The following CABYR variants were observed in gnomAD, a reference collection of about 807,000 sequenced individuals.
The protein encoded by CABYR is calcium-binding tyrosine phosphorylation-regulated protein.
A neutral mutation model predicts 36.1 loss-of-function variants in CABYR; 31 were observed. The ratio of observed to expected loss-of-function variants is 0.86; its 90% CI spans 0.64 to 1.16. The LOEUF (loss-of-function observed/expected upper bound fraction) is 1.16. CABYR is among the 50% of genes most tolerant of loss of function. CABYR has a pLI of 0.00. For synonymous variants in CABYR, 146 were observed against 160.7 expected (o/e 0.91, Z 0.69); for missense variants, 429 against 455.8 (o/e 0.94, Z 0.53).
At chr18:24,160,278 A>C (rs2085920915) in intron 5 of CABYR, 1 of 539,674 alleles carries the variant, frequency 1.9e-6, no homozygotes, top group Admixed American at 3.6e-5. Context: ...ACAATGACTC[A>C]TGCCAAGGAT....
chr18:24,140,922 A>G (rs1210631109), intron 1 of CABYR, among the ~76,000 whole-genome samples: 1 of 152,142 alleles, frequency 6.6e-6, no homozygotes, highest in Non-Finnish European at 1.5e-5. Flanking sequence ...TGTATGTACC[A>G]CATTTTCTTT....
At chr18:24,150,616 T>G in intron 3 of CABYR, 2 of 967,510 alleles carry the variant, frequency 2.1e-6, no homozygotes, top group Non-Finnish European at 2.5e-6. Context: ...CTAAACCACC[T>G]ACTTTATAGT....
Position 24,159,787 on chromosome 18 carries a change from A to C in CABYR, c.857A>C (p.Asp286Ala). Residue 286 changes from aspartate to alanine, a missense_variant, in exon 5 of 6, where the codon GAT becomes GCT. Transcript: ENST00000399496. ...LPGHAVVSQSDVLRYVAMQVP... is the reference protein window; with the variant it reads ...LPGHAVVSQSAVLRYVAMQVP... ...GGACATGCTGTCGTTTCACAGTCAG[A>C]TGTCTTGAGATATGTTGCAATGCAA... The C allele has an allele frequency of 6.2e-7, 1 of 1,614,132 alleles. No homozygotes were observed. The highest frequency in any genetic ancestry group is 8.5e-7 in the Non-Finnish European group (1 of 1,180,028).
At chr18:24,159,203 C>T (rs192502293) in intron 4 of CABYR, among the ~76,000 whole-genome samples, 9 of 152,310 alleles carry the variant, frequency 5.9e-5, no homozygotes, top group Non-Finnish European at 1.2e-4. Context: ...GTTGAAGTAG[C>T]TGGAAACTGC....
chr18:24,151,024 C>T (rs1025473592), intron 3 of CABYR, among the ~76,000 whole-genome samples: 1 of 152,152 alleles, frequency 6.6e-6, no homozygotes, highest in Non-Finnish European at 1.5e-5. Context: ...TACAGCCTCT[C>T]GTATCTCTTG....
rs1471810419 is a variant in CABYR, at chr18:24,156,975, G to A, written c.541+933G>A. ...AATTGAACCAGAAGGGGAATCAACA[G>A]CTGAATAAGGTTTGATGAAGCCAGG... On this transcript the variant is annotated intron_variant, in intron 4 of 5. Coordinates refer to ENST00000399496, the MANE Select transcript of CABYR (RefSeq NM_153769.3). The A allele has an allele frequency of 1.9e-6, 3 of 1,606,492 alleles. No individual in the cohort carries two copies. The highest frequency in any genetic ancestry group is 1.7e-4 in the Middle Eastern group (1 of 5,760).
At position 24,155,856 on chromosome 18, in the gene CABYR, A is replaced by G; in HGVS notation, c.355A>G (p.Thr119Ala). 1 of 1,614,074 alleles carries G rather than the reference A, an allele frequency of 6.2e-7. No individual in the cohort carries two copies. The highest frequency in any genetic ancestry group is 8.5e-7 in the Non-Finnish European group (1 of 1,180,024). The change falls in exon 4 of 6, where the codon ACC becomes GCC. Residue 119 changes from threonine to alanine, a missense_variant. Coordinates refer to ENST00000399496, the MANE Select transcript of CABYR (RefSeq NM_153769.3). ...AACCAGAACAGAATATAGTGACAAA[A>G]CCACCCAGTTTCCATCAGTTTATGC... ...NVTRTEYSDK[T>A]TQFPSVYAVP...
chr18:24,143,435 A>C, intron 3 of CABYR, 22 bp downstream of exon 3: 2 of 1,345,614 alleles, frequency 1.5e-6, no homozygotes, highest in Non-Finnish European at 2.1e-6. Flanking sequence ...AAGTAGTAAT[A>C]GTTTTAATAA....
chr18:24,139,130 C>G lies in CABYR; in HGVS notation c.-25+12C>G, dbSNP rs539731695. 1 of 152,120 alleles carries G rather than the reference C, an allele frequency of 6.6e-6. No homozygotes were observed. Among genetic ancestry groups the G allele is most frequent in the South Asian group, 2.1e-4 (1 of 4,826 alleles). The allele number at this position is 152,120 out of a possible 1,614,324, so 9.4% of individuals were successfully genotyped here. A position where few individuals can be genotyped will look rare whatever the true frequency, so the allele number is the denominator to read the frequency against. On this transcript the variant is annotated intron_variant, in intron 1 of 5. Transcript: ENST00000399496. ...CGGCCGGAAAGCAGGTGGGGAGAAT[C>G]TGGAGAAAAGGCGCACCCTGCGGCC...
rs192440872 is a variant in CABYR at position 24,144,023 on chromosome 18, G to C, written c.199+610G>C. 6.6e-3 allele frequency among the ~76,000 whole-genome samples: 1,005 copies of C among 151,902 alleles called. 8 individuals carry two copies. The highest frequency in any genetic ancestry group is 0.024 in the African/African-American group (980 of 41,414). On this transcript the variant is annotated intron_variant, in intron 3 of 5. Coordinates refer to ENST00000399496, the MANE Select transcript of CABYR (RefSeq NM_153769.3). The stretch of plus-strand genomic sequence containing the variant: ...AACGATTCTCCTGCCTCAGCCTCCC[G>C]AGTAGTTGGGACTCCAGGCGCCCAC...
intron 4 of CABYR, chr18:24,156,910 G>GC: frequency 6.2e-7 from 1 of 1,614,062 alleles, no homozygotes; most frequent in South Asian, 1.1e-5. Flanking sequence ...TCATCTAGTG[G>GC]CCCCTTCCCT....
intron 1 of CABYR, 37 bp from the exon 2 acceptor site, chr18:24,143,053 TA>T: frequency 7.4e-7 from 1 of 1,343,096 alleles, no homozygotes; most frequent in Non-Finnish European, 1.0e-6. Flanking sequence ...CCTATTTTAG[TA>T]AAACTAATTA....
In CABYR at chr18:24,143,097, TAC is replaced by T; in HGVS notation, c.-16_-15del. ...GACTTTTTCTTCATTCTAGTTGAGT[TAC>T]AGACATCCTGCCAAAATGATTTCTT... On this transcript the variant is annotated 5_prime_UTR_variant, in exon 2 of 6. Coordinates refer to ENST00000399496, the MANE Select transcript of CABYR (RefSeq NM_153769.3). 1.3e-6 allele frequency: 2 copies of T among 1,581,550 alleles called. No homozygotes were observed. The highest frequency in any genetic ancestry group is 1.7e-6 in the Non-Finnish European group (2 of 1,167,276).
rs769531399 is a variant in CABYR, at chr18:24,155,939, C to A, written c.438C>A (p.Thr146=). 9 of 1,614,048 alleles carry A rather than the reference C, an allele frequency of 5.6e-6. No homozygotes were observed. The African/African-American group carries it at 1.2e-4, about 22-fold the overall frequency. ...GTGGTCTTTCTTCCAAACCAGCCAC[C>A]CCTAAGACTACTACCCCACCCTCAT... The part of the protein sequence containing the change: ...AVGGLSSKPA[T]PKTTTPPSSP... The change falls in exon 4 of 6, where the codon ACC becomes ACA. Residue 146 remains threonine, a synonymous_variant. Coordinates refer to ENST00000399496, the MANE Select transcript of CABYR (RefSeq NM_153769.3).
chr18:24,155,601 C>G (rs912793893), intron 3 of CABYR, 100 bp from the exon 4 acceptor site: 3 of 877,838 alleles, frequency 3.4e-6, no homozygotes, highest in Non-Finnish European at 5.2e-6. Context: ...GGATTACAGG[C>G]ATGAGCCACT....
intron 3 of CABYR, among the ~76,000 whole-genome samples, chr18:24,149,706 G>C (rs2085565476): frequency 6.6e-6 from 1 of 152,262 alleles, no homozygotes; most frequent in African/African-American, 2.4e-5. Flanking sequence ...CCCGCAGGAA[G>C]GCAGCTAAGG....
chr18:24,155,056 T>A (rs780133670), intron 3 of CABYR, among the ~76,000 whole-genome samples: 15 of 152,254 alleles, frequency 9.9e-5, no homozygotes, highest in Non-Finnish European at 2.1e-4. Flanking sequence ...AAACTTTATA[T>A]ACCAATTTTC....
At chr18:24,157,748 C>T (rs1205760753) in intron 4 of CABYR, among the ~76,000 whole-genome samples, 2 of 152,170 alleles carry the variant, frequency 1.3e-5, no homozygotes, top group Non-Finnish European at 2.9e-5. Context: ...ACCATGTTTT[C>T]CTATGACATA....
rs745410750 is a variant in CABYR, at chr18:24,159,918, G to A, written c.988G>A (p.Val330Ile). The A allele has an allele frequency of 1.2e-6, 2 of 1,614,164 alleles. No individual in the cohort carries two copies. Among genetic ancestry groups the A allele is most frequent in the East Asian group, 2.2e-5 (1 of 44,882 alleles). The change falls in exon 5 of 6, where the codon GTT becomes ATT. Residue 330 changes from valine to isoleucine, a missense_variant. Physicochemically the swap from Val to Ile is conservative, Grantham distance 29. Coordinates refer to ENST00000399496, the MANE Select transcript of CABYR (RefSeq NM_153769.3). ...AGATGTCCCCAGGCCAAAAAGCCCTGTTTTCCTTTCTGTTGCTTTCCCAGT... is the reference window on the plus strand; with the variant it reads ...AGATGTCCCCAGGCCAAAAAGCCCTATTTTCCTTTCTGTTGCTTTCCCAGT... ...GQDVPRPKSP[V>I]FLSVAFPVED... is the part of the protein sequence containing the mutation.
Sources: allele counts gnomAD v4.1 joint callset (sites outside exome capture counted in the v4.1 genomes callset), GRCh38; gene constraint gnomAD v4.1.1; transcripts MANE v1.5; gene names NCBI Gene and HGNC (gene_info 2026-07-23, HGNC 2026-07-21).